The following RAPGEF5 variants were observed in gnomAD, a reference collection of about 807,000 sequenced individuals.
The protein encoded by RAPGEF5 is Rap guanine nucleotide exchange factor 5, also known as M-Ras-regulated GEF.
Under a neutral mutation model 125.2 loss-of-function variants are expected in RAPGEF5, and 65 were observed. The observed-to-expected ratio is 0.52, with a 90% CI of 0.43 to 0.64. RAPGEF5 has a LOEUF of 0.64. Among genes scored for constraint, RAPGEF5 ranks in the 30% least tolerant of loss-of-function variants. The probability of loss-of-function intolerance (pLI) is 0.00; values close to 1 mark genes in which losing one functional copy is unlikely to be tolerated. For synonymous variants in RAPGEF5, 391 were observed against 385.9 expected (o/e 1.01, Z -0.16); for missense variants, 958 against 1,048.1 (o/e 0.91, Z 1.19).
chr7:22,227,032 A>G (rs939140583), intron 8 of RAPGEF5, among the ~76,000 whole-genome samples: 3 of 151,632 alleles, frequency 2.0e-5, no homozygotes, highest in African/African-American at 7.3e-5. Flanking sequence ...AATTTACATA[A>G]TATATAGTAT....
chr7:22,167,546 T>C lies in RAPGEF5; in HGVS notation c.1205-398A>G, dbSNP rs1361211386. Reference sequence around the variant, plus strand: ...TCCTACGGGGAATAAAGCCTTCATGTGTTAATAAATTAAGGTTTTTTCCAA... The same window carrying C: ...TCCTACGGGGAATAAAGCCTTCATGCGTTAATAAATTAAGGTTTTTTCCAA... On this transcript the variant is annotated intron_variant, in intron 11 of 25. Coordinates refer to ENST00000665637, the MANE Select transcript of RAPGEF5 (RefSeq NM_012294.5). Among the ~76,000 whole-genome samples, 3 of 152,220 alleles carry C rather than the reference T, an allele frequency of 2.0e-5. No individual in the cohort carries two copies. In the East Asian group the frequency reaches 5.8e-4, roughly 29 times the overall value.
intron 11 of RAPGEF5, among the ~76,000 whole-genome samples, chr7:22,170,182 GTA>G (rs1784307536): frequency 6.6e-6 from 1 of 152,146 alleles, no homozygotes; most frequent in Non-Finnish European, 1.5e-5. Flanking sequence ...AGCCTCCCAA[GTA>G]GCTGGGACTA....
At chr7:22,179,246 T>C (rs955754758) in intron 11 of RAPGEF5, among the ~76,000 whole-genome samples, 2 of 152,146 alleles carry the variant, frequency 1.3e-5, no homozygotes, top group African/African-American at 4.8e-5. Flanking sequence ...CAATAATATA[T>C]GGAATATTTC....
intron 1 of RAPGEF5, among the ~76,000 whole-genome samples, chr7:22,323,426 C>A (rs1173991316): frequency 6.6e-6 from 1 of 152,174 alleles, no homozygotes; most frequent in Non-Finnish European, 1.5e-5. Context: ...AAACAAACCC[C>A]AAAGCTTCAT....
chr7:22,169,846 C>T lies in RAPGEF5; in HGVS notation c.1205-2698G>A, dbSNP rs13236861. Among the ~76,000 whole-genome samples the T allele has an allele frequency of 6.6e-4, 32 of 48,262 alleles. 1 individual carries two copies. In the South Asian group the frequency reaches 0.024, roughly 36 times the overall value. 31.7% of individuals were successfully genotyped at this position (48,262 alleles called of 152,430 possible). On this transcript the variant is annotated intron_variant, in intron 11 of 25. Coordinates refer to ENST00000665637, the MANE Select transcript of RAPGEF5 (RefSeq NM_012294.5). ...CTGCCCTCTAGCCTGTGCAACAGAG[C>T]GAGACTCTGTGTCAAAAAAAAAAAA...
chr7:22,158,987 G>A lies in RAPGEF5; in HGVS notation c.1527-1102C>T, dbSNP rs184603351. On this transcript the variant is annotated intron_variant, in intron 14 of 25. Transcript: ENST00000665637. ...TTTTACTTTATTATTTACCATTTTT[G>A]TGTAGCTTTTAAAATGGAATGTATT... is the stretch of plus-strand genomic sequence containing the variant. 3.9e-5 allele frequency among the ~76,000 whole-genome samples: 6 copies of A among 152,182 alleles called. No individual in the cohort carries two copies. The East Asian group carries it at 9.6e-4, about 24-fold the overall frequency.
intron 9 of RAPGEF5, among the ~76,000 whole-genome samples, chr7:22,199,107 T>C (rs760745420): frequency 1.3e-5 from 2 of 152,220 alleles, no homozygotes; most frequent in African/African-American, 4.8e-5. Flanking sequence ...AGTTCTAGCA[T>C]AGCCGGTTTT....
intron 1 of RAPGEF5, among the ~76,000 whole-genome samples, chr7:22,341,021 C>G (rs1483382490): frequency 6.6e-6 from 1 of 152,224 alleles, no homozygotes; most frequent in Non-Finnish European, 1.5e-5. Context: ...CCTTGACTCC[C>G]TCACACATCC....
Position 22,160,730 on chromosome 7 carries a change from C to T in RAPGEF5, c.1429-115G>A, listed in dbSNP as rs901995326. 2.3e-5 allele frequency: 29 copies of T among 1,243,870 alleles called. No homozygotes were observed. In the South Asian group the frequency reaches 2.4e-4, roughly 10 times the overall value. 77.1% of individuals were successfully genotyped at this position (1,243,870 alleles called of 1,614,324 possible). A position where few individuals can be genotyped will look rare whatever the true frequency, so the allele number is the denominator to read the frequency against. On this transcript the variant is annotated intron_variant, in intron 13 of 25. Transcript: ENST00000665637. Reference sequence around the variant, plus strand: ...ATAAGGAGGGATTCAGGACAATGTACGGGTTTCACCAGGTGCCAATGAGAT... The same window carrying T: ...ATAAGGAGGGATTCAGGACAATGTATGGGTTTCACCAGGTGCCAATGAGAT...
At chr7:22,255,635 T>G (rs1224691357) in intron 7 of RAPGEF5, among the ~76,000 whole-genome samples, 1 of 152,068 alleles carries the variant, frequency 6.6e-6, no homozygotes, top group African/African-American at 2.4e-5. Context: ...GCTAAACCAT[T>G]TTATACACTT....
At chr7:22,326,593 T>C (rs1215873716) in intron 1 of RAPGEF5, among the ~76,000 whole-genome samples, 3 of 152,228 alleles carry the variant, frequency 2.0e-5, no homozygotes, top group Non-Finnish European at 4.4e-5. Context: ...TAGTAAGAAC[T>C]CTTAATTTTG....
At chr7:22,146,142 T>C (rs1375484268) in intron 19 of RAPGEF5, among the ~76,000 whole-genome samples, 1 of 152,198 alleles carries the variant, frequency 6.6e-6, no homozygotes, top group Non-Finnish European at 1.5e-5. Context: ...ATCTGTTTAA[T>C]GAGAAAATAT....
At chr7:22,169,141 G>A (rs1349291087) in intron 11 of RAPGEF5, among the ~76,000 whole-genome samples, 1 of 152,160 alleles carries the variant, frequency 6.6e-6, no homozygotes, top group Non-Finnish European at 1.5e-5. Context: ...AAAAGGCTGT[G>A]GTGGCGTGCC....
At chr7:22,188,418 T>C (rs569876155) in intron 11 of RAPGEF5, among the ~76,000 whole-genome samples, 1 of 152,256 alleles carries the variant, frequency 6.6e-6, no homozygotes, top group South Asian at 2.1e-4. Flanking sequence ...AAAAAGTTAA[T>C]AGAAAATGAG....
At chr7:22,303,838 G>A (rs184979634) in intron 5 of RAPGEF5, among the ~76,000 whole-genome samples, 219 of 152,342 alleles carry the variant, frequency 1.4e-3, no homozygotes, top group African/African-American at 5.0e-3. Context: ...GAGACATCAT[G>A]GAAGTTTTGT....
chr7:22,355,850 T>C, intron 1 of RAPGEF5: 6 of 643,272 alleles, frequency 9.3e-6, no homozygotes, highest in Non-Finnish European at 1.2e-5. Context: ...CCCAGCAAGG[T>C]CTTGTTTTAA....
rs1285018910 is a variant in RAPGEF5 at position 22,118,707 on chromosome 7, T to A, written c.*3699A>T. 6.6e-6 allele frequency: 1 copy of A among 152,596 alleles called. No individual in the cohort carries two copies. The highest frequency in any genetic ancestry group is 1.5e-5 in the Non-Finnish European group (1 of 68,026). The allele number at this position is 152,596 out of a possible 1,614,324, so 9.5% of individuals were successfully genotyped here. A position where few individuals can be genotyped will look rare whatever the true frequency, so the allele number is the denominator to read the frequency against. ...CACAGCAGCCCTAATTAATGATACA[T>A]TAAAAGGCAAGATTTCTTGCTTCAG... On this transcript the variant is annotated 3_prime_UTR_variant, in exon 26 of 26. Coordinates refer to ENST00000665637, the MANE Select transcript of RAPGEF5 (RefSeq NM_012294.5).
At chr7:22,337,697 T>C (rs1274074102) in intron 1 of RAPGEF5, among the ~76,000 whole-genome samples, 1 of 152,202 alleles carries the variant, frequency 6.6e-6, no homozygotes, top group Non-Finnish European at 1.5e-5. Flanking sequence ...TCTTTCACTG[T>C]CATAATTTTC....
At chr7:22,262,551 G>A (rs568080329) in intron 7 of RAPGEF5, among the ~76,000 whole-genome samples, 1 of 152,198 alleles carries the variant, frequency 6.6e-6, no homozygotes, top group South Asian at 2.1e-4. Context: ...CATAAACATA[G>A]AACACAGCAA....
Sources: allele counts gnomAD v4.1 joint callset (sites outside exome capture counted in the v4.1 genomes callset), GRCh38; gene constraint gnomAD v4.1.1; transcripts MANE v1.5; gene names NCBI Gene and HGNC (gene_info 2026-07-23, HGNC 2026-07-21).